RANBP17: variants seen among roughly 807,000 people sequenced by gnomAD.
RANBP17 encodes ran-binding protein 17.
In RANBP17, 158 loss-of-function variants were observed where a neutral mutation model predicts 141.2. That is an observed-to-expected ratio of 1.12 (90% CI 0.98 to 1.28). RANBP17 has a LOEUF of 1.28. RANBP17 is among the 50% of genes most tolerant of loss of function. The probability of loss-of-function intolerance (pLI) is 0.00; values close to 1 mark genes in which losing one functional copy is unlikely to be tolerated. For missense variants in RANBP17, 1,438 were observed against 1,290.7 expected (o/e 1.11, Z -1.75); for synonymous variants, 430 against 450.0 (o/e 0.96, Z 0.56).
chr5:171,046,820 A>G (rs1355970702), intron 14 of RANBP17, among the ~76,000 whole-genome samples: 1 of 152,164 alleles, frequency 6.6e-6, no homozygotes, highest in East Asian at 1.9e-4. Flanking sequence ...CAAGTCTAGT[A>G]GATAGAAACT....
intron 14 of RANBP17, among the ~76,000 whole-genome samples, chr5:171,019,547 G>C (rs141995834): frequency 2.6e-5 from 4 of 152,112 alleles, no homozygotes; most frequent in Admixed American, 6.6e-5. Flanking sequence ...TATTTGCATA[G>C]CGGTGTTTAT....
chr5:170,909,731 A>T lies in RANBP17; in HGVS notation c.560A>T (p.Asp187Val), dbSNP rs781659467. ...TCATTTCGTGATACTTCTCTCAAAG[A>T]CGTTTTAGTGCTAGCATGCTCTCTT... Reference protein sequence around the residue: ...ATSFRDTSLKDVLVLACSLLK... With the variant: ...ATSFRDTSLKVVLVLACSLLK... The change falls in exon 6 of 28, where the codon GAC becomes GTC. Residue 187 changes from aspartate to valine, a missense_variant. Transcript: ENST00000523189. The T allele has an allele frequency of 3.8e-6, 6 of 1,589,074 alleles. No individual in the cohort carries two copies. The South Asian group carries it at 6.7e-5, about 18-fold the overall frequency.
rs938515950 is a variant in RANBP17 at position 170,871,598 on chromosome 5, G to T, written c.19-6499G>T. Among the ~76,000 whole-genome samples, 4 of 152,280 alleles carry T rather than the reference G, an allele frequency of 2.6e-5. No homozygotes were observed. The South Asian group carries it at 8.3e-4, about 32-fold the overall frequency. On this transcript the variant is annotated intron_variant, in intron 1 of 27. Coordinates refer to ENST00000523189, the MANE Select transcript of RANBP17 (RefSeq NM_022897.5). ...ATTTCGCCATAAAATCTTTGCCCATGCCTATGTTCTGAATGATATTGTCTA... is the reference window on the plus strand; with the variant it reads ...ATTTCGCCATAAAATCTTTGCCCATTCCTATGTTCTGAATGATATTGTCTA...
chr5:171,201,921 A>G (rs185892037), intron 19 of RANBP17, among the ~76,000 whole-genome samples: 2 of 152,296 alleles, frequency 1.3e-5, no homozygotes, highest in East Asian at 1.9e-4. Context: ...GTTCTTCAAT[A>G]AAGTATTTAG....
At chr5:171,160,300 C>T (rs1474739405) in intron 14 of RANBP17, among the ~76,000 whole-genome samples, 1 of 152,148 alleles carries the variant, frequency 6.6e-6, no homozygotes. Flanking sequence ...AAGACCCTCT[C>T]CCCTCTAACT....
chr5:171,277,002 C>T (rs1191041214), intron 25 of RANBP17, among the ~76,000 whole-genome samples: 2 of 144,496 alleles, frequency 1.4e-5, no homozygotes, highest in African/African-American at 5.1e-5. Flanking sequence ...CTCTGGGAAG[C>T]GTTTTAACAA....
At chr5:170,885,744 A>G (rs1013998384) in intron 3 of RANBP17, among the ~76,000 whole-genome samples, 3 of 152,184 alleles carry the variant, frequency 2.0e-5, no homozygotes, top group Non-Finnish European at 4.4e-5. Context: ...TTGCTTGTAA[A>G]CAGTAGTGCC....
intron 14 of RANBP17, among the ~76,000 whole-genome samples, chr5:171,155,526 A>T (rs1758839246): frequency 6.6e-6 from 1 of 152,186 alleles, no homozygotes; most frequent in African/African-American, 2.4e-5. Flanking sequence ...ATTATGATTT[A>T]TGATGATAAT....
chr5:170,909,668 A>G lies in RANBP17; in HGVS notation c.497A>G (p.Tyr166Cys), dbSNP rs1771370405. ...ELTQEMNLVD[Y>C]SRPSAKHRKI... The stretch of plus-strand genomic sequence containing the variant: ...TCATCTTTATCTTTTTAGGTTGATT[A>G]TTCTAGACCTTCAGCAAAACACAGG... Residue 166 changes from tyrosine to cysteine, a missense_variant, in exon 6 of 28, where the codon TAT becomes TGT. Tyr to Cys is a radical substitution (Grantham distance 194, BLOSUM62 -2). Coordinates refer to ENST00000523189, the MANE Select transcript of RANBP17 (RefSeq NM_022897.5). 6.8e-7 allele frequency: 1 copy of G among 1,468,020 alleles called. No individual in the cohort carries two copies. The highest frequency in any genetic ancestry group is 1.7e-5 in the African/African-American group (1 of 59,286). The allele number at this position is 1,468,020 out of a possible 1,614,324, so 90.9% of individuals were successfully genotyped here.
At chr5:170,902,886 C>T (rs1462455820) in intron 5 of RANBP17, among the ~76,000 whole-genome samples, 2 of 152,290 alleles carry the variant, frequency 1.3e-5, no homozygotes, top group East Asian at 3.9e-4. Flanking sequence ...CCTGTTTCCT[C>T]TTCTGGAAGC....
At chr5:171,132,970 C>CA (rs1290981258) in intron 14 of RANBP17, among the ~76,000 whole-genome samples, 4 of 152,100 alleles carry the variant, frequency 2.6e-5, no homozygotes, top group African/African-American at 7.2e-5. Flanking sequence ...ACTGCAACCT[C>CA]CGCCTTCTGG....
intron 14 of RANBP17, among the ~76,000 whole-genome samples, chr5:170,992,643 A>G (rs1394509417): frequency 6.6e-6 from 1 of 152,104 alleles, no homozygotes; most frequent in Non-Finnish European, 1.5e-5. Flanking sequence ...CAAACTGACC[A>G]AAAAGAAAAT....
chr5:170,992,599 A>G (rs1181516468), intron 14 of RANBP17, among the ~76,000 whole-genome samples: 2 of 152,126 alleles, frequency 1.3e-5, no homozygotes, highest in Non-Finnish European at 2.9e-5. Flanking sequence ...TCCATGGTAC[A>G]TGTCAAATCA....
At chr5:171,290,762 C>A (rs774052346) in intron 25 of RANBP17, among the ~76,000 whole-genome samples, 9 of 152,172 alleles carry the variant, frequency 5.9e-5, no homozygotes. Flanking sequence ...TCTCATTTAT[C>A]TGTATCTAAT....
At chr5:171,147,832 G>A (rs1235616909) in intron 14 of RANBP17, among the ~76,000 whole-genome samples, 2 of 152,134 alleles carry the variant, frequency 1.3e-5, no homozygotes, top group African/African-American at 2.4e-5. Flanking sequence ...CTGCCCGGCC[G>A]CCCTTACTGG....
chr5:171,079,021 C>T (rs752396921), intron 14 of RANBP17, among the ~76,000 whole-genome samples: 1 of 152,100 alleles, frequency 6.6e-6, no homozygotes, highest in Non-Finnish European at 1.5e-5. Context: ...AATTGAAAAC[C>T]TTCTGGAAAG....
chr5:170,880,909 G>A (rs1485953513), intron 2 of RANBP17, among the ~76,000 whole-genome samples: 1 of 152,190 alleles, frequency 6.6e-6, no homozygotes, highest in Non-Finnish European at 1.5e-5. Flanking sequence ...CCTCACTGTG[G>A]TTTATGATAC....
chr5:171,269,820 C>T (rs2128025051), intron 25 of RANBP17, among the ~76,000 whole-genome samples: 1 of 152,276 alleles, frequency 6.6e-6, no homozygotes. Context: ...TAAGTAATGC[C>T]TAACCCTATT....
In RANBP17 at chr5:171,059,403, C is replaced by A. The variant is rs1313876616; in HGVS notation, c.1710+91026C>A. On this transcript the variant is annotated intron_variant, in intron 14 of 27. Coordinates refer to ENST00000523189, the MANE Select transcript of RANBP17 (RefSeq NM_022897.5). ...ATATGGCTAGCCAGTTTTCCCAGCACCATTTATTAAACAGGAAATCCTTTC... is the reference window on the plus strand; with the variant it reads ...ATATGGCTAGCCAGTTTTCCCAGCAACATTTATTAAACAGGAAATCCTTTC... Among the ~76,000 whole-genome samples, 2 of 152,190 alleles carry A rather than the reference C, an allele frequency of 1.3e-5. 1 individual carries two copies. The highest frequency in any genetic ancestry group is 4.1e-4 in the South Asian group (2 of 4,830).
Sources: gnomAD v4.1 joint callset for allele counts (sites outside exome capture counted in the v4.1 genomes callset) on GRCh38, gnomAD v4.1.1 for gene constraint, MANE v1.5 for transcripts, NCBI Gene and HGNC (gene_info 2026-07-23, HGNC 2026-07-21) for gene names.